Variants in PLIN4 observed in about 807,000 individuals in gnomAD.
PLIN4 encodes the protein perilipin-4.
PLIN4 carries 57 observed loss-of-function variants against 52.4 expected under a neutral mutation model. The ratio of observed to expected loss-of-function variants is 1.09; its 90% CI spans 0.88 to 1.36. The LOEUF is 1.36. PLIN4 is among the 40% of genes most tolerant of loss of function. PLIN4 has a pLI of 0.00. For missense variants in PLIN4, 1,757 were observed against 1,770.3 expected, an observed-to-expected ratio of 0.99 and a Z score of 0.13; for synonymous variants, 826 against 785.4, an observed-to-expected ratio of 1.05 and a Z score of -0.86.
Position 4,513,458 on chromosome 19 carries a change from T to G in PLIN4, c.502A>C (p.Thr168Pro). 1 of 1,613,436 alleles carries G rather than the reference T, an allele frequency of 6.2e-7. No individual in the cohort carries two copies. Among genetic ancestry groups the G allele is most frequent in the Non-Finnish European group, 8.5e-7 (1 of 1,179,892 alleles). Residue 168 changes from threonine (T) to proline (P), a missense_variant, in exon 5 of 8, where the codon ACC (threonine) becomes CCC (proline). Transcript: ENST00000301286. ...LDTSKAVLTG[T>P]KDTVSTGLTG... Reference sequence around the variant, plus strand: ...AGCCCAGTGGACACCGTGTCCTTGGTGCCGGTGAGGACAGCCTTCGAGGTG... The same window carrying G: ...AGCCCAGTGGACACCGTGTCCTTGGGGCCGGTGAGGACAGCCTTCGAGGTG...
chr19:4,516,143 G>A (rs1403451340), intron 4 of PLIN4, among the ~76,000 whole-genome samples: 1 of 152,162 alleles, frequency 6.6e-6, no homozygotes, highest in African/African-American at 2.4e-5. Context: ...AGCTGGGCAT[G>A]GCGGTGAGCA....
chr19:4,506,728 A>T (rs894890358), intron 6 of PLIN4, among the ~76,000 whole-genome samples: 1 of 152,188 alleles, frequency 6.6e-6, no homozygotes, highest in Non-Finnish European at 1.5e-5. Context: ...GGCCCAGGCT[A>T]CTTTGCTGTG....
rs755777301 is a variant in PLIN4, at chr19:4,512,652, G to A, written c.1308C>T (p.Val436=). ...QNIATGTKDT[V]CSGVTGAMNL... ...TCATGGCACCAGTCACCCCACTGCA[G>A]ACGGTGTCCTTTGTACCTGTTGCGA... The change falls in exon 5 of 8, where the codon GTC becomes GTT. Residue 436 remains valine (V), a synonymous_variant. Transcript: ENST00000301286. 2.5e-6 allele frequency: 4 copies of A among 1,575,106 alleles called. 1 individual carries two copies. Among genetic ancestry groups the A allele is most frequent in the South Asian group, 1.1e-5 (1 of 89,414 alleles).
chr19:4,507,137 C>A (rs1488360575), intron 6 of PLIN4, among the ~76,000 whole-genome samples: 1 of 152,230 alleles, frequency 6.6e-6, no homozygotes, highest in African/African-American at 2.4e-5. Flanking sequence ...GGGTTAGACC[C>A]TCAAACTGCG....
intron 6 of PLIN4, among the ~76,000 whole-genome samples, chr19:4,508,411 C>T (rs1413191894): frequency 2.6e-5 from 4 of 152,170 alleles, no homozygotes; most frequent in African/African-American, 4.8e-5. Flanking sequence ...GGATTACAGG[C>T]GCCTGCCACC....
At position 4,511,171 on chromosome 19, in the gene PLIN4, GT is replaced by G; in HGVS notation, c.2788del (p.Thr930ProfsTer10). On this transcript the variant is annotated frameshift_variant, in exon 5 of 8. Transcript: ENST00000301286. LOFTEE classifies it high-confidence loss of function. ...GGCACCAGTGACTCCACTGCAGACG[GT>G]GTCCTTGGTACCGGTCAGGACAGTC... ...SKTVLTGTKD[T>X]VCSGVTGAVN... 1 of 1,612,298 alleles carries G rather than the reference GT, an allele frequency of 6.2e-7. No individual in the cohort carries two copies. The highest frequency in any genetic ancestry group is 8.5e-7 in the Non-Finnish European group (1 of 1,178,914).
At position 4,512,927 on chromosome 19, in the gene PLIN4, T is replaced by C. The variant is rs201080851; in HGVS notation, c.1033A>G (p.Met345Val). The part of the protein sequence containing the change: ...DTVCSGVTGA[M>V]NVAKGTIQTG... ...TGGATGGTTCCTTTGGCCACATTCA[T>C]GGCACCAGTCACCCCACTACAGACG... Residue 345 changes from methionine to valine, a missense_variant, in exon 5 of 8, where the codon ATG (methionine) becomes GTG (valine). This residue lies in a region of PLIN4 where 99 missense variants were observed against 143.4 expected (regional missense o/e 0.69). Coordinates refer to ENST00000301286, the MANE Select transcript of PLIN4 (RefSeq NM_001367868.2). 695 of 1,513,172 alleles carry C rather than the reference T, an allele frequency of 4.6e-4. 50 individuals carry two copies. Among genetic ancestry groups the C allele is most frequent in the East Asian group, 4.5e-3 (201 of 44,410 alleles). The allele number at this position is 1,513,172 out of a possible 1,614,324, so 93.7% of individuals were successfully genotyped here. A position where few individuals can be genotyped will look rare whatever the true frequency, so the allele number is the denominator to read the frequency against.
chr19:4,507,853 C>G (rs185728447), intron 6 of PLIN4, among the ~76,000 whole-genome samples: 4,655 of 152,154 alleles, frequency 0.031, 134 homozygotes, highest in African/African-American at 0.071. Flanking sequence ...GATCCCACCC[C>G]AGAGCACGAT....
chr19:4,517,011 G>A (rs556717813), intron 3 of PLIN4, among the ~76,000 whole-genome samples: 11 of 152,202 alleles, frequency 7.2e-5, no homozygotes, highest in African/African-American at 1.4e-4. Context: ...CGCCCCCACC[G>A]CAGCTGCCTG....
Position 4,504,732 on chromosome 19 carries a change from G to A in PLIN4, c.3843C>T (p.His1281=), listed in dbSNP as rs1427246225. The A allele has an allele frequency of 6.3e-7, 1 of 1,599,838 alleles. No individual in the cohort carries two copies. The highest frequency in any genetic ancestry group is 8.5e-7 in the Non-Finnish European group (1 of 1,174,764). The change falls in exon 8 of 8, where the codon CAC becomes CAT. Residue 1281 remains histidine, a synonymous_variant. Coordinates refer to ENST00000301286, the MANE Select transcript of PLIN4 (RefSeq NM_001367868.2). ...SRVCGLLRQL[H]TAYSGLVSSL... is the part of the protein sequence containing the mutation. ...TGGAGACCAGGCCACTGTAGGCCGT[G>A]TGCAGCTGCCGGAGAAGGCCGCAGA... is the stretch of plus-strand genomic sequence containing the variant.
At chr19:4,508,428 A>T (rs1282783388) in intron 6 of PLIN4, among the ~76,000 whole-genome samples, 1 of 152,070 alleles carries the variant, frequency 6.6e-6, no homozygotes, top group Non-Finnish European at 1.5e-5. Context: ...CACCACTCCC[A>T]GCCAATTTTT....
At chr19:4,506,482 C>T (rs908444340) in intron 6 of PLIN4, among the ~76,000 whole-genome samples, 3 of 152,192 alleles carry the variant, frequency 2.0e-5, no homozygotes, top group African/African-American at 4.8e-5. Flanking sequence ...TCCAACGCGA[C>T]GCCCTATATA....
At chr19:4,514,715 G>A (rs531174269) in intron 4 of PLIN4, among the ~76,000 whole-genome samples, 4 of 151,658 alleles carry the variant, frequency 2.6e-5, no homozygotes, top group East Asian at 2.0e-4. Flanking sequence ...GTGAAAGAGC[G>A]AAACTCTGTC....
rs532904577 is a variant in PLIN4 at position 4,518,449 on chromosome 19, G to A, written c.-82C>T. 22 of 1,224,412 alleles carry A rather than the reference G, an allele frequency of 1.8e-5. No homozygotes were observed. The highest frequency in any genetic ancestry group is 1.3e-4 in the South Asian group (3 of 23,438). 75.8% of individuals were successfully genotyped at this position (1,224,412 alleles called of 1,614,324 possible). On this transcript the variant is annotated 5_prime_UTR_variant, in exon 1 of 8. Transcript: ENST00000301286. The stretch of plus-strand genomic sequence containing the variant: ...GCGGCCCCGCTCACCTGGACTGCGC[G>A]GGGTCCCCTGGAGGACGGACCGGCC...
Position 4,512,922 on chromosome 19 carries a change from A to G in PLIN4, c.1038T>C (p.Asn346=), listed in dbSNP as rs199854884. ...CGGTCTGGATGGTTCCTTTGGCCAC[A>G]TTCATGGCACCAGTCACCCCACTAC... The part of the protein sequence containing the change: ...TVCSGVTGAM[N]VAKGTIQTGV... Residue 346 remains asparagine (N), a synonymous_variant, in exon 5 of 8, where the codon AAT becomes AAC. Coordinates refer to ENST00000301286, the MANE Select transcript of PLIN4 (RefSeq NM_001367868.2). 7.9e-6 allele frequency: 12 copies of G among 1,524,584 alleles called. 3 individuals carry two copies. The African/African-American group carries it at 1.8e-4, about 23-fold the overall frequency. The allele number at this position is 1,524,584 out of a possible 1,614,324, so 94.4% of individuals were successfully genotyped here.
At chr19:4,513,821 C>T (rs1029214426) in intron 4 of PLIN4, 120 bp from the exon 5 acceptor site, 2 of 1,273,516 alleles carry the variant, frequency 1.6e-6, no homozygotes, top group East Asian at 2.6e-5. Flanking sequence ...ACCCAGAGGC[C>T]CCACCTCCTC....
chr19:4,508,913 G>A lies in PLIN4; in HGVS notation c.3557C>T (p.Ala1186Val), dbSNP rs769413983. 15 of 1,612,752 alleles carry A rather than the reference G, an allele frequency of 9.3e-6. No individual in the cohort carries two copies. The highest frequency in any genetic ancestry group is 4.0e-5 in the African/African-American group (3 of 74,922). The change falls in exon 6 of 8, where the codon GCG becomes GTG. Residue 1186 changes from alanine (A) to valine (V), a missense_variant. By Grantham distance (64) the Ala-to-Val change is moderately conservative. Transcript: ENST00000301286. ...ACGAACGAAGTAGCTCCCCTGTTCC[G>A]CCGACAGCACCTTTGGCCCAGGCTG... ...ASQPGPKVLS[A>V]EQGSYFVRLG...
chr19:4,502,926 T>C lies in PLIN4; in HGVS notation c.*1533A>G, dbSNP rs1020236562. On this transcript the variant is annotated 3_prime_UTR_variant, in exon 8 of 8. Transcript: ENST00000301286. ...AGGGACTTCCTGAGCTGCGGCCCCA[T>C]GCTTGGTTGGCTGGACGTGAGCTGC... 13 of 152,446 alleles carry C rather than the reference T, an allele frequency of 8.5e-5. No homozygotes were observed. The highest frequency in any genetic ancestry group is 3.1e-4 in the African/African-American group (13 of 41,564). The allele number at this position is 152,446 out of a possible 1,614,324, so 9.4% of individuals were successfully genotyped here. A position where few individuals can be genotyped will look rare whatever the true frequency, so the allele number is the denominator to read the frequency against.
chr19:4,506,429 G>A (rs932634284), intron 6 of PLIN4, among the ~76,000 whole-genome samples: 3 of 152,326 alleles, frequency 2.0e-5, no homozygotes, highest in Middle Eastern at 6.8e-3. Context: ...CCCCAGCACA[G>A]CCACTTCCTT....
Sources: allele counts gnomAD v4.1 joint callset (sites outside exome capture counted in the v4.1 genomes callset), GRCh38; gene constraint gnomAD v4.1.1; regional missense constraint gnomAD v4.1.1; transcripts MANE v1.5; gene names NCBI Gene and HGNC (gene_info 2026-07-23, HGNC 2026-07-21).